Variants in HPSE2 observed in about 807,000 individuals in gnomAD.
HPSE2 encodes inactive heparanase-2.
A neutral mutation model predicts 60.5 loss-of-function variants in HPSE2; 38 were observed. The observed-to-expected ratio is 0.63, with a 90% CI of 0.48 to 0.82. HPSE2 has a LOEUF of 0.82. HPSE2 is among the 40% of genes least tolerant of loss of function. The probability of loss-of-function intolerance (pLI) is 0.00; values close to 1 mark genes in which losing one functional copy is unlikely to be tolerated. For missense variants in HPSE2, 713 were observed against 740.4 expected, an observed-to-expected ratio of 0.96 and a Z score of 0.43; for synonymous variants, 295 against 293.2, an observed-to-expected ratio of 1.01 and a Z score of -0.06.
chr10:99,246,652 CA>C, the HPSE2 span, among the ~76,000 whole-genome samples: 4 of 152,050 alleles, frequency 2.6e-5, no homozygotes, highest in African/African-American at 7.2e-5. Context: ...GAGGCTGAGG[CA>C]GGGGGATTGC....
At chr10:99,218,462 CCT>C (rs762662816) in intron 2 of HPSE2, among the ~76,000 whole-genome samples, 17 of 152,010 alleles carry the variant, frequency 1.1e-4, no homozygotes, top group African/African-American at 2.9e-4. Flanking sequence ...TTCCCCTCCC[CCT>C]GAGTTTTCAA....
At chr10:98,888,495 G>A (rs1416846373) in intron 3 of HPSE2, among the ~76,000 whole-genome samples, 1 of 152,182 alleles carries the variant, frequency 6.6e-6, no homozygotes, top group Non-Finnish European at 1.5e-5. Flanking sequence ...AATGGAATCA[G>A]ATATCATCTC....
chr10:98,509,701 C>A (rs1331041621), intron 9 of HPSE2, among the ~76,000 whole-genome samples: 1 of 152,070 alleles, frequency 6.6e-6, no homozygotes, highest in Non-Finnish European at 1.5e-5. Context: ...GGGGTTTCAC[C>A]ATCTTGGCCA....
the HPSE2 span, among the ~76,000 whole-genome samples, chr10:99,297,100 A>G: frequency 6.6e-6 from 1 of 152,208 alleles, no homozygotes; most frequent in Non-Finnish European, 1.5e-5. Context: ...CCACAGTTCC[A>G]CTACCTCGTG....
chr10:98,962,937 G>T (rs1011438048), intron 3 of HPSE2, among the ~76,000 whole-genome samples: 23 of 152,170 alleles, frequency 1.5e-4, no homozygotes, highest in Non-Finnish European at 3.1e-4. Flanking sequence ...CTAAATAGAA[G>T]TCAGAGTCTT....
intron 4 of HPSE2, among the ~76,000 whole-genome samples, chr10:98,733,231 C>T (rs1949271716): frequency 6.6e-6 from 1 of 152,056 alleles, no homozygotes; most frequent in Admixed American, 6.5e-5. Flanking sequence ...AGTGATCCTC[C>T]CACCTCAGCC....
At position 98,937,560 on chromosome 10, in the gene HPSE2, T is replaced by G. The variant is rs546258000; in HGVS notation, c.611-193504A>C. 3.0e-3 allele frequency among the ~76,000 whole-genome samples: 436 copies of G among 143,472 alleles called. 21 individuals are homozygous for G. The highest frequency in any genetic ancestry group is 5.0e-3 in the East Asian group (25 of 5,044). The allele number at this position is 143,472 out of a possible 152,430, so 94.1% of individuals were successfully genotyped here. ...GGGGTGCCCACCATTGCCCAGGCTT[T>G]CTTAGGTAAACAAAGCAGCCTGGAA... is the stretch of plus-strand genomic sequence containing the variant. On this transcript the variant is annotated intron_variant, in intron 3 of 11. Transcript: ENST00000370552.
intron 9 of HPSE2, among the ~76,000 whole-genome samples, chr10:98,598,270 T>G (rs980046356): frequency 6.6e-6 from 1 of 151,978 alleles, no homozygotes; most frequent in Admixed American, 6.5e-5. Context: ...TCTGGAGTGG[T>G]CCATAGATGG....
At chr10:98,716,845 G>A (rs1189466784) in intron 5 of HPSE2, among the ~76,000 whole-genome samples, 3 of 152,062 alleles carry the variant, frequency 2.0e-5, no homozygotes, top group African/African-American at 4.8e-5. Context: ...AGTAGTGGGT[G>A]TAAACTATTC....
intron 2 of HPSE2, among the ~76,000 whole-genome samples, chr10:99,154,758 A>C (rs1470042322): frequency 6.6e-6 from 1 of 151,756 alleles, no homozygotes; most frequent in Non-Finnish European, 1.5e-5. Flanking sequence ...AACAATATTA[A>C]CTTTAAATGT....
At position 99,046,755 on chromosome 10, in the gene HPSE2, G is replaced by C. The variant is rs1008720551; in HGVS notation, c.610+97483C>G. 4.0e-5 allele frequency among the ~76,000 whole-genome samples: 6 copies of C among 151,892 alleles called. No homozygotes were observed. In the South Asian group the frequency reaches 1.2e-3, roughly 32 times the overall value. ...GCCACAAAGAAAATGAAATACCTAG[G>C]AATATAGCTAACTAAGGGGGTGAAA... is the stretch of plus-strand genomic sequence containing the variant. On this transcript the variant is annotated intron_variant, in intron 3 of 11. Coordinates refer to ENST00000370552, the MANE Select transcript of HPSE2 (RefSeq NM_021828.5).
chr10:99,132,255 GAA>G (rs1212085033), intron 3 of HPSE2, among the ~76,000 whole-genome samples: 1 of 141,290 alleles, frequency 7.1e-6, no homozygotes, highest in Non-Finnish European at 1.6e-5. Context: ...AAGAAAGAAA[GAA>G]AGAAAGAAAG....
intron 3 of HPSE2, among the ~76,000 whole-genome samples, chr10:98,768,769 C>T (rs911432597): frequency 6.6e-6 from 1 of 152,112 alleles, no homozygotes; most frequent in Admixed American, 6.6e-5. Context: ...ATACTTGTCT[C>T]AGCTGGTCAT....
At chr10:99,210,097 A>T (rs1192207298) in intron 2 of HPSE2, among the ~76,000 whole-genome samples, 2 of 152,226 alleles carry the variant, frequency 1.3e-5, no homozygotes, top group African/African-American at 4.8e-5. Context: ...AGGCATTACA[A>T]CTTGTACCGC....
chr10:98,693,777 A>T, intron 6 of HPSE2, 123 bp downstream of exon 6: 1 of 863,110 alleles, frequency 1.2e-6, no homozygotes, highest in Non-Finnish European at 2.0e-6. Context: ...AGTTACTTTC[A>T]AATTTTTTCC....
chr10:98,771,642 G>C (rs569639078), intron 3 of HPSE2, among the ~76,000 whole-genome samples: 2 of 152,334 alleles, frequency 1.3e-5, no homozygotes, highest in South Asian at 4.1e-4. Flanking sequence ...ATACTCCTAG[G>C]ATTGGATTTT....
At chr10:98,928,628 G>GCA (rs1954550222) in intron 3 of HPSE2, among the ~76,000 whole-genome samples, 1 of 126,204 alleles carries the variant, frequency 7.9e-6, no homozygotes, top group South Asian at 2.5e-4. Context: ...AGAAAATGTG[G>GCA]CACATATACA....
chr10:98,697,645 G>A (rs1565088799), intron 5 of HPSE2, among the ~76,000 whole-genome samples: 1 of 152,116 alleles, frequency 6.6e-6, no homozygotes, highest in African/African-American at 2.4e-5. Context: ...TCAAATTCAG[G>A]AAATACAGAG....
At chr10:98,977,914 ATATT>A (rs1232388122) in intron 3 of HPSE2, among the ~76,000 whole-genome samples, 5 of 148,298 alleles carry the variant, frequency 3.4e-5, no homozygotes, top group African/African-American at 1.2e-4. Flanking sequence ...TTTATGGTGT[ATATT>A]TAAAATATAG....
Sources: allele counts gnomAD v4.1 joint callset (sites outside exome capture counted in the v4.1 genomes callset), GRCh38; gene constraint gnomAD v4.1.1; transcripts MANE v1.5; gene names NCBI Gene and HGNC (gene_info 2026-07-23, HGNC 2026-07-21).